FECH: variants seen among roughly 807,000 people sequenced by gnomAD.
FECH encodes ferrochelatase, also known as ferrochelatase, mitochondrial.
A neutral mutation model predicts 56.9 loss-of-function variants in FECH; 40 were observed. The observed-to-expected ratio is 0.70, with a 90% CI of 0.55 to 0.92. FECH has a LOEUF of 0.92. Among genes scored for constraint, FECH ranks in the 40% least tolerant of loss-of-function variants. The pLI, the probability that FECH is intolerant of heterozygous loss-of-function variation, is 0.00. For synonymous variants in FECH, 175 were observed against 198.6 expected, an observed-to-expected ratio of 0.88 and a Z score of 1.00; for missense variants, 431 against 529.1, an observed-to-expected ratio of 0.81 and a Z score of 1.82.
intron 7 of FECH, 151 bp from the exon 8 acceptor site, chr18:57,555,103 A>C: frequency 1.4e-6 from 1 of 700,196 alleles, no homozygotes; most frequent in Non-Finnish European, 2.6e-6. Flanking sequence ...TTCAATCACC[A>C]AACTTCCTTA....
chr18:57,552,122 G>A (rs1353800725), intron 9 of FECH, among the ~76,000 whole-genome samples: 1 of 151,702 alleles, frequency 6.6e-6, no homozygotes, highest in Non-Finnish European at 1.5e-5. Context: ...GACCTCAAAC[G>A]ATCCACCCGC....
At chr18:57,573,460 A>T in intron 2 of FECH, 95 bp from the exon 3 acceptor site, 1 of 1,431,970 alleles carries the variant, frequency 7.0e-7, no homozygotes, top group Non-Finnish European at 9.8e-7. Flanking sequence ...AATCTGTTCC[A>T]TACAAAGGTA....
chr18:57,570,267 G>A (rs12963989), intron 4 of FECH, among the ~76,000 whole-genome samples: 187 of 152,300 alleles, frequency 1.2e-3, no homozygotes, highest in Non-Finnish European at 1.6e-3. Flanking sequence ...GTGAATGGAG[G>A]GCTGACATTT....
At chr18:57,573,483 C>G in intron 2 of FECH, 118 bp from the exon 3 acceptor site, 1 of 1,162,002 alleles carries the variant, frequency 8.6e-7, no homozygotes, top group South Asian at 1.2e-5. Context: ...TACTATGGCT[C>G]TTTTCACTGC....
chr18:57,576,538 TA>T (rs1050610413), intron 2 of FECH, among the ~76,000 whole-genome samples: 1 of 152,158 alleles, frequency 6.6e-6, no homozygotes, highest in Non-Finnish European at 1.5e-5. Flanking sequence ...GATTACTGGT[TA>T]AAAAAACCTC....
At chr18:57,569,445 T>G (rs2051064298) in intron 4 of FECH, among the ~76,000 whole-genome samples, 1 of 152,246 alleles carries the variant, frequency 6.6e-6, no homozygotes, top group Non-Finnish European at 1.5e-5. Flanking sequence ...AAGAGAATTT[T>G]TCTTAATAGA....
intron 2 of FECH, among the ~76,000 whole-genome samples, chr18:57,576,887 C>A (rs1393433632): frequency 3.3e-5 from 5 of 152,162 alleles, no homozygotes; most frequent in Non-Finnish European, 2.9e-5. Context: ...ACAGAACACA[C>A]CTGAGACCAA....
intron 5 of FECH, among the ~76,000 whole-genome samples, chr18:57,565,557 C>G (rs546029609): frequency 1.4e-3 from 212 of 146,600 alleles, no homozygotes; most frequent in Non-Finnish European, 2.6e-3. Flanking sequence ...AATGACAGAG[C>G]AAGATACCAT....
intron 3 of FECH, among the ~76,000 whole-genome samples, chr18:57,572,558 C>T (rs1291866719): frequency 3.9e-5 from 3 of 77,370 alleles, no homozygotes; most frequent in East Asian, 4.1e-4. Flanking sequence ...AAATATAGTA[C>T]ATAAGTACCT....
At position 57,551,365 on chromosome 18, in the gene FECH, C is replaced by T. The variant is rs1363377606; in HGVS notation, c.1087G>A (p.Glu363Lys). ...SQVLAKECGVENIRRAESLNG... is the reference protein window; with the variant it reads ...SQVLAKECGVKNIRRAESLNG... ...AGAGACTCAGCTCTTCTGATGTTTT[C>T]AACTCCACACTGAATCAAATGAGAA... Residue 363 changes from glutamate (E) to lysine (K), a missense_variant, in exon 10 of 11, where the codon GAA (glutamate) becomes AAA (lysine). Glu to Lys is a moderately conservative substitution (Grantham distance 56). Coordinates refer to ENST00000262093, the MANE Select transcript of FECH (RefSeq NM_000140.5). 1.2e-6 allele frequency: 2 copies of T among 1,612,350 alleles called. No homozygotes were observed. The highest frequency in any genetic ancestry group is 2.7e-5 in the African/African-American group (2 of 74,820).
rs1380831524 is a variant in FECH, at chr18:57,546,925, A to C, written c.*3787T>G. ...CAGTGAGCCGAGATCGTGCCACTGT[A>C]CTCCAGCTTGGGCAACAGAGCGAGA... On this transcript the variant is annotated 3_prime_UTR_variant, in exon 11 of 11. Transcript: ENST00000262093. 2.7e-5 allele frequency among the ~76,000 whole-genome samples: 4 copies of C among 148,428 alleles called. No homozygotes were observed. Among genetic ancestry groups the C allele is most frequent in the African/African-American group, 5.0e-5 (2 of 39,854 alleles).
At chr18:57,585,537 TC>T (rs1568157237) in intron 1 of FECH, among the ~76,000 whole-genome samples, 1 of 152,198 alleles carries the variant, frequency 6.6e-6, no homozygotes, top group Admixed American at 6.5e-5. Context: ...ATGCCCTTTG[TC>T]CCCCAGCGCC....
Position 57,571,627 on chromosome 18 carries a change from G to A in FECH, c.315-87C>T, listed in dbSNP as rs143328096. 2,789 of 1,603,978 alleles carry A rather than the reference G, an allele frequency of 1.7e-3. 41 individuals are homozygous for A. The African/African-American group carries it at 0.031, about 18-fold the overall frequency. Reference sequence around the variant, plus strand: ...TTCTACTCAATAAAAAAGAAAAAAAGCAAAATTTTAGAGAGCCTAACAAGA... The same window carrying A: ...TTCTACTCAATAAAAAAGAAAAAAAACAAAATTTTAGAGAGCCTAACAAGA... On this transcript the variant is annotated intron_variant, in intron 3 of 10. Coordinates refer to ENST00000262093, the MANE Select transcript of FECH (RefSeq NM_000140.5).
intron 9 of FECH, among the ~76,000 whole-genome samples, chr18:57,552,664 T>A (rs28409377): frequency 1.6e-4 from 24 of 152,198 alleles, no homozygotes; most frequent in African/African-American, 5.5e-4. Context: ...ATTCCCAAAG[T>A]GCTGAGATTA....
At chr18:57,578,389 G>A (rs12959878) in intron 2 of FECH, among the ~76,000 whole-genome samples, 39,000 of 152,132 alleles carry the variant, frequency 0.26, 5,566 homozygotes, top group African/African-American at 0.36. Context: ...GGCCAGGCAC[G>A]GTGGCTCGTG....
intron 3 of FECH, among the ~76,000 whole-genome samples, chr18:57,572,446 A>C (rs1333912102): frequency 6.9e-6 from 1 of 144,154 alleles, no homozygotes; most frequent in Non-Finnish European, 1.5e-5. Flanking sequence ...TAGCATTAGG[A>C]GATATACCTA....
At chr18:57,566,359 A>T in intron 5 of FECH, 88 bp downstream of exon 5, 6 of 1,538,114 alleles carry the variant, frequency 3.9e-6, no homozygotes, top group Non-Finnish European at 5.4e-6. Context: ...AATTGCAAAT[A>T]ATTCATCCTT....
intron 8 of FECH, 141 bp from the exon 9 acceptor site, chr18:57,554,565 TTTCACATGGAAAC>T: frequency 1.1e-6 from 1 of 926,846 alleles, no homozygotes; most frequent in Non-Finnish European, 1.7e-6. Context: ...ATTTTGATAT[TTTCACATGGAAAC>T]TTGAATCCTA....
At chr18:57,566,359 A>C in intron 5 of FECH, 88 bp downstream of exon 5, 19 of 1,538,086 alleles carry the variant, frequency 1.2e-5, no homozygotes, top group Non-Finnish European at 1.6e-5. Flanking sequence ...AATTGCAAAT[A>C]ATTCATCCTT....
Sources: allele counts gnomAD v4.1 joint callset (sites outside exome capture counted in the v4.1 genomes callset), GRCh38; gene constraint gnomAD v4.1.1; transcripts MANE v1.5; gene names NCBI Gene and HGNC (gene_info 2026-07-23, HGNC 2026-07-21).